The following MARCHF1 variants were observed in gnomAD, a reference collection of about 807,000 sequenced individuals.
MARCHF1 encodes membrane associated ring-CH-type finger 1.
Under a neutral mutation model 54.2 loss-of-function variants are expected in MARCHF1, and 40 were observed. The observed-to-expected ratio is 0.74, with a 90% CI of 0.57 to 0.96. MARCHF1 has a LOEUF of 0.96. Among genes scored for constraint, MARCHF1 ranks in the 40% least tolerant of loss-of-function variants. The pLI is 0.00. For synonymous variants in MARCHF1, 236 were observed against 236.3 expected (o/e 1.00, Z 0.01); for missense variants, 586 against 656.5 (o/e 0.89, Z 1.17).
chr4:163,847,427 T>C (rs1404129748), intron 4 of MARCHF1, among the ~76,000 whole-genome samples: 1 of 152,106 alleles, frequency 6.6e-6, no homozygotes, highest in East Asian at 1.9e-4. Context: ...TTCTAGAGAT[T>C]GTTTATGTTA....
At chr4:164,260,044 G>A (rs1457412208) in intron 1 of MARCHF1, among the ~76,000 whole-genome samples, 1 of 152,094 alleles carries the variant, frequency 6.6e-6, no homozygotes, top group African/African-American at 2.4e-5. Flanking sequence ...TAACCGGGGT[G>A]AGAATCACTG....
At chr4:164,065,783 G>A (rs1480822277) in intron 2 of MARCHF1, among the ~76,000 whole-genome samples, 1 of 152,184 alleles carries the variant, frequency 6.6e-6, no homozygotes, top group Non-Finnish European at 1.5e-5. Flanking sequence ...CAAACCACTG[G>A]TGTAATAGTC....
intron 1 of MARCHF1, among the ~76,000 whole-genome samples, chr4:164,240,343 T>C (rs1732701112): frequency 2.0e-5 from 3 of 152,236 alleles, no homozygotes; most frequent in Non-Finnish European, 4.4e-5. Flanking sequence ...TACTTTGGAA[T>C]AACCTTAGCC....
chr4:164,352,685 A>G (rs1416582849), intron 1 of MARCHF1, among the ~76,000 whole-genome samples: 3 of 150,330 alleles, frequency 2.0e-5, no homozygotes, highest in Non-Finnish European at 3.0e-5. Flanking sequence ...CATCGAGGCT[A>G]GGAAGAAACT....
At chr4:163,804,783 C>A (rs1012175749) in intron 4 of MARCHF1, among the ~76,000 whole-genome samples, 1 of 152,142 alleles carries the variant, frequency 6.6e-6, no homozygotes, top group Non-Finnish European at 1.5e-5. Flanking sequence ...GTAGAAATGA[C>A]TTCACTTGCA....
chr4:163,960,039 A>T lies in MARCHF1; in HGVS notation c.-39+28462T>A, dbSNP rs1269712192. On this transcript the variant is annotated intron_variant, in intron 3 of 9. Coordinates refer to ENST00000514618, the MANE Select transcript of MARCHF1 (RefSeq NM_001394959.1). The stretch of plus-strand genomic sequence containing the variant: ...TCAAAAGATAATATACATGCGGCCA[A>T]CAAGCATATGGAAAAAAGCTCAATA... 5.3e-5 allele frequency among the ~76,000 whole-genome samples: 8 copies of T among 152,242 alleles called. No individual in the cohort carries two copies. In the East Asian group the frequency reaches 1.4e-3, roughly 26 times the overall value.
At chr4:163,725,431 T>C (rs111580032) in intron 4 of MARCHF1, among the ~76,000 whole-genome samples, 2,318 of 151,768 alleles carry the variant, frequency 0.015, 65 homozygotes, top group African/African-American at 0.052. Context: ...TGAGCCATGA[T>C]TGTGCTACTG....
At chr4:163,782,082 C>T (rs897400492) in intron 4 of MARCHF1, among the ~76,000 whole-genome samples, 5 of 151,058 alleles carry the variant, frequency 3.3e-5, no homozygotes, top group Admixed American at 2.0e-4. Flanking sequence ...TCATATCAAA[C>T]TACAGTTTCT....
chr4:163,835,178 G>A (rs192497200), intron 4 of MARCHF1, among the ~76,000 whole-genome samples: 5 of 152,150 alleles, frequency 3.3e-5, no homozygotes, highest in African/African-American at 4.8e-5. Context: ...CACCATGTCC[G>A]GGCCATGTAA....
At chr4:163,659,794 G>C (rs895460349) in intron 5 of MARCHF1, among the ~76,000 whole-genome samples, 1 of 151,966 alleles carries the variant, frequency 6.6e-6, no homozygotes, top group African/African-American at 2.4e-5. Flanking sequence ...CAAACATACG[G>C]AAAAAAGCTG....
At chr4:164,381,314 G>A (rs1009434729) in intron 1 of MARCHF1, among the ~76,000 whole-genome samples, 1 of 152,112 alleles carries the variant, frequency 6.6e-6, no homozygotes, top group Non-Finnish European at 1.5e-5. Context: ...ACTCCATGTG[G>A]TTTTAAAAAT....
chr4:163,635,478 A>G (rs1182208524), intron 5 of MARCHF1, among the ~76,000 whole-genome samples: 1 of 148,032 alleles, frequency 6.8e-6, no homozygotes, highest in Non-Finnish European at 1.5e-5. Context: ...CTACACAAAT[A>G]AACTAGAAAA....
chr4:163,812,885 G>C (rs1430165647), intron 4 of MARCHF1, among the ~76,000 whole-genome samples: 1 of 152,180 alleles, frequency 6.6e-6, no homozygotes, highest in African/African-American at 2.4e-5. Context: ...ACTATAGACT[G>C]TATAACATCA....
chr4:163,717,696 G>C (rs932197412), intron 4 of MARCHF1, among the ~76,000 whole-genome samples: 2 of 152,156 alleles, frequency 1.3e-5, no homozygotes, highest in African/African-American at 4.8e-5. Context: ...ATTCTAACTG[G>C]TGTGAGATGG....
chr4:163,676,164 A>AC (rs1743906565), intron 5 of MARCHF1, among the ~76,000 whole-genome samples: 1 of 138,016 alleles, frequency 7.2e-6, no homozygotes, highest in Non-Finnish European at 1.5e-5. Flanking sequence ...AAATGGTGTA[A>AC]CCCCATCTCT....
At chr4:164,227,493 G>A (rs2111169120) in intron 1 of MARCHF1, among the ~76,000 whole-genome samples, 1 of 152,214 alleles carries the variant, frequency 6.6e-6, no homozygotes, top group Non-Finnish European at 1.5e-5. Context: ...TGCTGATATT[G>A]GGTGACAGAG....
intron 7 of MARCHF1, among the ~76,000 whole-genome samples, chr4:163,609,760 T>A (rs2110919492): frequency 6.6e-6 from 1 of 151,912 alleles, no homozygotes; most frequent in Admixed American, 6.6e-5. Flanking sequence ...AGAGACATAA[T>A]CATGAAGGTA....
chr4:163,682,960 A>G (rs1184809016), intron 5 of MARCHF1, among the ~76,000 whole-genome samples: 1 of 152,194 alleles, frequency 6.6e-6, no homozygotes, highest in Non-Finnish European at 1.5e-5. Context: ...GTACAGCAAA[A>G]TAATTTCAGT....
At chr4:164,197,174 G>A (rs1731292157) in intron 1 of MARCHF1, 3 of 1,607,478 alleles carry the variant, frequency 1.9e-6, no homozygotes, top group Admixed American at 1.7e-5. Flanking sequence ...TCCACTACCT[G>A]AGCATCTTCA....
Sources: allele counts gnomAD v4.1 joint callset (sites outside exome capture counted in the v4.1 genomes callset), GRCh38; gene constraint gnomAD v4.1.1; transcripts MANE v1.5; gene names NCBI Gene and HGNC (gene_info 2026-07-23, HGNC 2026-07-21).